Variants in IL5 observed in about 807,000 individuals in gnomAD.
IL5 encodes the protein interleukin 5.
Under a neutral mutation model 16.3 loss-of-function variants are expected in IL5, and 12 were observed. That is an observed-to-expected ratio of 0.74 (90% CI 0.47 to 1.20). The LOEUF is 1.20. Ranked by LOEUF, IL5 falls within the 50% of genes most tolerant of loss-of-function variation. IL5 has a pLI of 0.00. For missense variants in IL5, 159 were observed against 153.9 expected, an observed-to-expected ratio of 1.03 and a Z score of -0.17; for synonymous variants, 54 against 56.6, an observed-to-expected ratio of 0.95 and a Z score of 0.21.
At chr5:132,550,259 T>C (rs537785787) in intron 1 of IL5, among the ~76,000 whole-genome samples, 1 of 152,196 alleles carries the variant, frequency 6.6e-6, no homozygotes, top group African/African-American at 2.4e-5. Context: ...TGTATAATCA[T>C]GTTTATAGCT....
At chr5:132,543,234 GA>G in intron 1 of IL5, 100 bp downstream of exon 1, 1 of 1,412,254 alleles carries the variant, frequency 7.1e-7, no homozygotes, top group Non-Finnish European at 9.9e-7. Flanking sequence ...AATGTGCTCA[GA>G]ATCTTATTAT....
intron 1 of IL5, among the ~76,000 whole-genome samples, chr5:132,551,254 G>A (rs1034141089): frequency 6.6e-6 from 1 of 152,082 alleles, no homozygotes; most frequent in Non-Finnish European, 1.5e-5. Context: ...TTATTAAAAG[G>A]CAAATACTAT....
intron 2 of IL5, among the ~76,000 whole-genome samples, chr5:132,542,789 G>T (rs576489397): frequency 6.6e-6 from 1 of 152,110 alleles, no homozygotes; most frequent in African/African-American, 2.4e-5. Context: ...GAAAGAGTCA[G>T]AACTGCACGG....
rs1749987191 is a variant in IL5, at chr5:132,556,510, G to T, written c.42+164C>A. The T allele has an allele frequency of 1.8e-5, 4 of 219,944 alleles. No individual in the cohort carries two copies. The Admixed American group carries it at 1.9e-4, about 11-fold the overall frequency. The allele number at this position is 219,944 out of a possible 1,614,324, so 13.6% of individuals were successfully genotyped here. Reference sequence around the variant, plus strand: ...ATAATTATCAACATTTACTCAATTAGAAATTAAAATTGGTATTTCTAAGCG... The same window carrying T: ...ATAATTATCAACATTTACTCAATTATAAATTAAAATTGGTATTTCTAAGCG... On this transcript the variant is annotated intron_variant, in intron 1 of 2. Transcript: ENST00000450655.
At chr5:132,551,648 A>C (rs1034547130) in intron 1 of IL5, among the ~76,000 whole-genome samples, 27 of 152,170 alleles carry the variant, frequency 1.8e-4, no homozygotes, top group Non-Finnish European at 8.8e-5. Context: ...AGCTCCAGCC[A>C]CCTGCAAACT....
At chr5:132,548,940 A>C (rs1490570219) in intron 1 of IL5, among the ~76,000 whole-genome samples, 1 of 152,204 alleles carries the variant, frequency 6.6e-6, no homozygotes. Context: ...AGCTTTGTTC[A>C]TATCAATTCA....
rs372329728 is a variant in IL5 at position 132,541,824 on chromosome 5, A to T, written c.392T>A (p.Ile131Lys). Residue 131 changes from isoleucine to lysine, a missense_variant, in exon 4 of 4, where the codon ATA becomes AAA. Ile to Lys is a moderately radical substitution (Grantham distance 102). Transcript: ENST00000231454. ...EFLGVMNTEW[I>K]IES ...ACCAGTTTAGTCTCAACTTTCTATT[A>T]TCCACTCGGTGTTCATTACACCAAG... is the stretch of plus-strand genomic sequence containing the variant. 9.3e-6 allele frequency: 15 copies of T among 1,610,966 alleles called. No homozygotes were observed. The highest frequency in any genetic ancestry group is 1.3e-5 in the Non-Finnish European group (15 of 1,177,552).
chr5:132,550,792 A>G (rs1749871704), intron 1 of IL5, among the ~76,000 whole-genome samples: 1 of 152,236 alleles, frequency 6.6e-6, no homozygotes, highest in Non-Finnish European at 1.5e-5. Flanking sequence ...TGAACCCAGA[A>G]GGAAGAAGTG....
intron 1 of IL5, among the ~76,000 whole-genome samples, chr5:132,551,136 A>G (rs1749876932): frequency 6.6e-6 from 1 of 152,378 alleles, no homozygotes; most frequent in East Asian, 1.9e-4. Flanking sequence ...AAGCTTGGAT[A>G]TTCTACAAAG....
chr5:132,553,317 C>G (rs1418336135), intron 1 of IL5, among the ~76,000 whole-genome samples: 2 of 152,074 alleles, frequency 1.3e-5, no homozygotes, highest in African/African-American at 4.8e-5. Flanking sequence ...AAAGTTACAT[C>G]TAAAGGTATG....
intron 1 of IL5, among the ~76,000 whole-genome samples, chr5:132,554,879 A>G (rs535774774): frequency 6.6e-6 from 1 of 152,306 alleles, no homozygotes; most frequent in Admixed American, 6.5e-5. Flanking sequence ...GAATTCTGAT[A>G]TATGCTACAG....
intron 1 of IL5, among the ~76,000 whole-genome samples, chr5:132,553,014 G>C (rs1749909369): frequency 6.6e-6 from 1 of 152,086 alleles, no homozygotes; most frequent in African/African-American, 2.4e-5. Flanking sequence ...CTAATTTCCA[G>C]TCTACATTGA....
chr5:132,543,312 G>A (rs1337083682), intron 1 of IL5, 23 bp downstream of exon 1: 3 of 1,602,614 alleles, frequency 1.9e-6, no homozygotes, highest in Middle Eastern at 1.7e-4. Flanking sequence ...TTTACAGACT[G>A]TAGGAATCAT....
chr5:132,542,200 TC>T, intron 2 of IL5, 57 bp from the exon 3 acceptor site: 1 of 1,340,206 alleles, frequency 7.5e-7, no homozygotes, highest in Non-Finnish European at 1.1e-6. Context: ...AAAAATTTGG[TC>T]CATTGTCCAT....
At chr5:132,546,883 G>A (rs1749802265), upstream of IL5, among the ~76,000 whole-genome samples, 1 of 152,058 alleles carries the variant, frequency 6.6e-6, no homozygotes, top group South Asian at 2.1e-4. Context: ...AAAATTAGCT[G>A]GGCATGGTGG....
At chr5:132,555,689 G>A (rs1028871884) in intron 1 of IL5, among the ~76,000 whole-genome samples, 1 of 152,226 alleles carries the variant, frequency 6.6e-6, no homozygotes, top group Middle Eastern at 3.4e-3. Flanking sequence ...CTAATTTTTT[G>A]TGTTTTCAGT....
chr5:132,541,939 T>G (rs202092621), intron 3 of IL5, 30 bp from the exon 4 acceptor site: 18 of 1,611,256 alleles, frequency 1.1e-5, no homozygotes, highest in Non-Finnish European at 1.4e-5. Context: ...ACAATAGGTA[T>G]TACAGGAAAC....
At chr5:132,548,078 A>G (rs1236002003), upstream of IL5, among the ~76,000 whole-genome samples, 1 of 152,152 alleles carries the variant, frequency 6.6e-6, no homozygotes, top group Non-Finnish European at 1.5e-5. Context: ...CAAATAAATA[A>G]ATAAATAAAT....
chr5:132,553,376 A>G (rs1272126830), intron 1 of IL5, among the ~76,000 whole-genome samples: 1 of 152,220 alleles, frequency 6.6e-6, no homozygotes. Flanking sequence ...GCAAAACTGC[A>G]TAAGAGATAA....
Sources: allele counts gnomAD v4.1 joint callset (sites outside exome capture counted in the v4.1 genomes callset), GRCh38; gene constraint gnomAD v4.1.1; transcripts MANE v1.5; gene names NCBI Gene and HGNC (gene_info 2026-07-23, HGNC 2026-07-21).